The following CRHBP variants were observed in gnomAD, a reference collection of about 807,000 sequenced individuals.
CRHBP encodes corticotropin releasing hormone binding protein.
Under a neutral mutation model 34.9 loss-of-function variants are expected in CRHBP, and 19 were observed. The ratio of observed to expected loss-of-function variants is 0.55; its 90% CI spans 0.38 to 0.80. The LOEUF is 0.80. Ranked by LOEUF, CRHBP falls within the 30% of genes least tolerant of loss-of-function variation. The probability of loss-of-function intolerance (pLI) is 0.00; values close to 1 mark genes in which losing one functional copy is unlikely to be tolerated. For missense variants in CRHBP, 328 were observed against 409.2 expected (o/e 0.80, Z 1.71); for synonymous variants, 154 against 153.4 (o/e 1.00, Z -0.03).
At position 76,954,047 on chromosome 5, in the gene CRHBP, G is replaced by T. The variant is rs752583332; in HGVS notation, c.194G>T (p.Ser65Ile). The T allele has an allele frequency of 1.9e-6, 3 of 1,613,548 alleles. No individual in the cohort carries two copies. Among genetic ancestry groups the T allele is most frequent in the African/African-American group, 1.3e-5 (1 of 74,942 alleles). ...CCCCCAGGGTGCCTGGACATGCTGAGCCTCCAGGGCCAGTTCACCTTCACC... is the reference window on the plus strand; with the variant it reads ...CCCCCAGGGTGCCTGGACATGCTGATCCTCCAGGGCCAGTTCACCTTCACC... ...RRALRCLDML[S>I]LQGQFTFTAD... The change falls in exon 3 of 7, where the codon AGC (serine) becomes ATC (isoleucine). Residue 65 changes from serine to isoleucine, a missense_variant. This residue lies in a region of CRHBP where 173 missense variants were observed against 172.2 expected (regional missense o/e 1.00). Transcript: ENST00000274368.
chr5:76,977,105 G>C (rs906772919), intron 3 of CRHBP, among the ~76,000 whole-genome samples: 1 of 152,106 alleles, frequency 6.6e-6, no homozygotes, highest in Non-Finnish European at 1.5e-5. Flanking sequence ...ACACTGACAC[G>C]CCAACTGCCA....
chr5:76,970,548 G>A (rs969361146), downstream of CRHBP, among the ~76,000 whole-genome samples: 1 of 152,118 alleles, frequency 6.6e-6, no homozygotes, highest in Non-Finnish European at 1.5e-5. Context: ...ATGGATGGAT[G>A]GATGACGGAT....
chr5:76,953,803 C>G, intron 2 of CRHBP, 109 bp downstream of exon 2: 1 of 1,265,760 alleles, frequency 7.9e-7, no homozygotes, highest in Admixed American at 2.4e-5. Flanking sequence ...TGGCCGGAAC[C>G]GCCAGGGGCG....
chr5:76,953,878 G>A (rs2150704021), intron 2 of CRHBP, 151 bp from the exon 3 acceptor site: 1 of 1,179,962 alleles, frequency 8.5e-7, no homozygotes. Flanking sequence ...TGGCGCGCCC[G>A]GGGCGCAGGA....
chr5:76,963,101 GA>G (rs1485589885), intron 5 of CRHBP: 6 of 411,152 alleles, frequency 1.5e-5, no homozygotes, highest in Non-Finnish European at 2.2e-5. Context: ...TAAAAAAAAT[GA>G]AAAAAACATG....
At chr5:76,970,978 TTTTC>T (rs1745936188), downstream of CRHBP, among the ~76,000 whole-genome samples, 1 of 152,206 alleles carries the variant, frequency 6.6e-6, no homozygotes, top group Non-Finnish European at 1.5e-5. Context: ...GTCCATGTCT[TTTTC>T]TTGGACTGTC....
At chr5:76,975,834 A>AAAT (rs1330182752) in intron 2 of CRHBP, among the ~76,000 whole-genome samples, 22 of 101,328 alleles carry the variant, frequency 2.2e-4, no homozygotes, top group African/African-American at 1.0e-3. Context: ...AAATATATAT[A>AAAT]TATATATATA....
At chr5:76,958,370 G>A (rs953609359) in intron 4 of CRHBP, among the ~76,000 whole-genome samples, 1 of 152,028 alleles carries the variant, frequency 6.6e-6, no homozygotes, top group Non-Finnish European at 1.5e-5. Flanking sequence ...ATTAAGCCTC[G>A]ATTTTTCCAG....
At chr5:76,969,934 C>CTTTTTTT (rs201228247), downstream of CRHBP, among the ~76,000 whole-genome samples, 23 of 61,634 alleles carry the variant, frequency 3.7e-4, no homozygotes, top group Non-Finnish European at 5.2e-4. Context: ...AAAGAAAATT[C>CTTTTTTT]TTTTTTTTTT....
At chr5:76,972,884 TATCAC>T (rs1287371593), downstream of CRHBP, among the ~76,000 whole-genome samples, 1 of 152,198 alleles carries the variant, frequency 6.6e-6, no homozygotes, top group Non-Finnish European at 1.5e-5. Context: ...GTGACTGAAT[TATCAC>T]AGAAAGAATG....
intron 2 of CRHBP, among the ~76,000 whole-genome samples, chr5:76,975,488 G>A (rs1746010809): frequency 6.6e-6 from 1 of 151,822 alleles, no homozygotes; most frequent in South Asian, 2.1e-4. Flanking sequence ...ATACAGGGGA[G>A]GGTAGTGAGT....
downstream of CRHBP, among the ~76,000 whole-genome samples, chr5:76,973,083 T>C (rs1580099350): frequency 6.6e-6 from 1 of 152,238 alleles, no homozygotes; most frequent in Non-Finnish European, 1.5e-5. Flanking sequence ...CTATTGACTA[T>C]GCATATCCAC....
intron 3 of CRHBP, among the ~76,000 whole-genome samples, chr5:76,978,639 T>G (rs946515052): frequency 1.3e-5 from 2 of 152,226 alleles, no homozygotes; most frequent in African/African-American, 4.8e-5. Context: ...TTTTCATGCC[T>G]GCTAACATAA....
chr5:76,974,319 AT>A (rs1348811828), downstream of CRHBP, among the ~76,000 whole-genome samples: 1 of 147,110 alleles, frequency 6.8e-6, no homozygotes, highest in Non-Finnish European at 1.5e-5. Context: ...GCCCGGCCAA[AT>A]TTTGTATTTT....
In CRHBP at chr5:76,980,238, G is replaced by C. The variant is rs961216729; in HGVS notation, n.468-723G>C. ...CCACTGCACTCCAGCCTGGGCGACAGAGCGAGACTCCGTCTCAAAAAAAAA... is the reference window on the plus strand; with the variant it reads ...CCACTGCACTCCAGCCTGGGCGACACAGCGAGACTCCGTCTCAAAAAAAAA... On this transcript the variant is annotated intron_variant and non_coding_transcript_variant, in intron 3 of 3. Coordinates refer to the CRHBP transcript ENST00000514258. Among the ~76,000 whole-genome samples the C allele has an allele frequency of 3.8e-4, 44 of 115,426 alleles. 2 individuals carry two copies. Among genetic ancestry groups the C allele is most frequent in the Non-Finnish European group, 7.1e-4 (43 of 60,362 alleles). 75.7% of individuals were successfully genotyped at this position (115,426 alleles called of 152,430 possible).
intron 2 of CRHBP, among the ~76,000 whole-genome samples, chr5:76,975,873 T>C (rs1356775671): frequency 5.8e-5 from 7 of 120,802 alleles, no homozygotes; most frequent in African/African-American, 1.7e-4. Flanking sequence ...CACACACATA[T>C]ACATGCATAT....
chr5:76,954,000 ACTTATTGCCCCATGCC>A lies in CRHBP; in HGVS notation c.176-26_176-11del. On this transcript the variant is annotated splice_polypyrimidine_tract_variant and intron_variant, in intron 2 of 6. Coordinates refer to ENST00000274368, the MANE Select transcript of CRHBP (RefSeq NM_001882.4). ...GGCGCTGCGGCGGCTGCAGCCCGGG[ACTTATTGCCCCATGCC>A]CTCCTCCCCCAGGGTGCCTGGACAT... The A allele has an allele frequency of 6.3e-7, 1 of 1,590,160 alleles. No homozygotes were observed. Among genetic ancestry groups the A allele is most frequent in the South Asian group, 1.1e-5 (1 of 88,164 alleles).
intron 6 of CRHBP, among the ~76,000 whole-genome samples, chr5:76,965,846 G>A (rs1182926713): frequency 6.6e-6 from 1 of 152,042 alleles, no homozygotes; most frequent in African/African-American, 2.4e-5. Flanking sequence ...CAGGTTCTTG[G>A]CGTTTTGAAC....
chr5:76,973,394 G>A (rs1745977146), downstream of CRHBP, among the ~76,000 whole-genome samples: 1 of 152,166 alleles, frequency 6.6e-6, no homozygotes, highest in African/African-American at 2.4e-5. Context: ...TTGAAAATCT[G>A]ACAGGAGCTA....
Sources: gnomAD v4.1 joint callset for allele counts (sites outside exome capture counted in the v4.1 genomes callset) on GRCh38, gnomAD v4.1.1 for gene constraint, gnomAD v4.1.1 regional missense constraint, MANE v1.5 for transcripts, NCBI Gene and HGNC (gene_info 2026-07-23, HGNC 2026-07-21) for gene names.